IPCEF1: variants seen among roughly 807,000 people sequenced by gnomAD.
IPCEF1 encodes interactor protein for cytohesin exchange factors 1.
A neutral mutation model predicts 50.9 loss-of-function variants in IPCEF1; 31 were observed. The ratio of observed to expected loss-of-function variants is 0.61; its 90% CI spans 0.46 to 0.82. The LOEUF (loss-of-function observed/expected upper bound fraction) is 0.82. Ranked by LOEUF, IPCEF1 falls within the 40% of genes least tolerant of loss-of-function variation. IPCEF1 has a pLI of 0.00. For missense variants in IPCEF1, 458 were observed against 514.0 expected, an observed-to-expected ratio of 0.89 and a Z score of 1.05; for synonymous variants, 181 against 192.0, an observed-to-expected ratio of 0.94 and a Z score of 0.47.
chr6:154,354,415 A>ACCTCCACCACCACCTCCACCAACT (rs1784170541), intron 1 of IPCEF1, among the ~76,000 whole-genome samples: 2 of 46,728 alleles, frequency 4.3e-5, no homozygotes, highest in African/African-American at 1.3e-4. Context: ...CTCCACCACC[A>ACCTCCACCACCACCTCCACCAACT]CCTCCACCAC....
chr6:154,251,627 T>C (rs1241352201), intron 3 of IPCEF1, among the ~76,000 whole-genome samples: 1 of 152,198 alleles, frequency 6.6e-6, no homozygotes, highest in Admixed American at 6.5e-5. Flanking sequence ...AAAATAGGTA[T>C]TTCAAGAATA....
intron 2 of IPCEF1, among the ~76,000 whole-genome samples, chr6:154,287,481 T>C (rs747069169): frequency 3.3e-5 from 5 of 152,232 alleles, no homozygotes; most frequent in African/African-American, 7.2e-5. Context: ...ATGGGTGCTA[T>C]TACTGTCTCC....
intron 9 of IPCEF1, among the ~76,000 whole-genome samples, chr6:154,202,527 A>G (rs535315121): frequency 2.0e-5 from 3 of 152,180 alleles, no homozygotes; most frequent in Non-Finnish European, 4.4e-5. Context: ...TTCAACTTCT[A>G]TGTGATCAAC....
chr6:154,272,387 C>T (rs1418928717), intron 2 of IPCEF1, among the ~76,000 whole-genome samples: 1 of 152,226 alleles, frequency 6.6e-6, no homozygotes, highest in Non-Finnish European at 1.5e-5. Context: ...CCCTAGCCAA[C>T]TAACCAATGA....
chr6:154,189,271 G>A (rs1245475235), intron 10 of IPCEF1, among the ~76,000 whole-genome samples: 3 of 152,150 alleles, frequency 2.0e-5, no homozygotes, highest in Non-Finnish European at 4.4e-5. Flanking sequence ...CTTTGAGAGC[G>A]CTCATCCATG....
At chr6:154,288,851 G>T (rs1410276787) in intron 2 of IPCEF1, among the ~76,000 whole-genome samples, 5 of 152,104 alleles carry the variant, frequency 3.3e-5, no homozygotes, top group Admixed American at 1.3e-4. Context: ...ATCACTTGAG[G>T]CCAGGAGTGA....
intron 11 of IPCEF1, among the ~76,000 whole-genome samples, chr6:154,164,405 A>T (rs1562518378): frequency 6.6e-6 from 1 of 152,232 alleles, no homozygotes; most frequent in Non-Finnish European, 1.5e-5. Context: ...ACAATAATAC[A>T]GAAGAAGGAA....
intron 11 of IPCEF1, among the ~76,000 whole-genome samples, chr6:154,165,450 T>C (rs973225588): frequency 5.3e-5 from 8 of 152,246 alleles, no homozygotes; most frequent in African/African-American, 1.9e-4. Flanking sequence ...TTTGCTTTTG[T>C]TCAGCTTCTT....
chr6:154,268,039 CCA>C (rs1781802538), intron 2 of IPCEF1, among the ~76,000 whole-genome samples: 1 of 152,204 alleles, frequency 6.6e-6, no homozygotes, highest in Admixed American at 6.5e-5. Flanking sequence ...AGCCTGGTCC[CCA>C]GTCTTCAGGC....
At chr6:154,340,156 C>T (rs189041476) in intron 1 of IPCEF1, among the ~76,000 whole-genome samples, 117 of 152,150 alleles carry the variant, frequency 7.7e-4, no homozygotes, top group African/African-American at 2.7e-3. Flanking sequence ...GTTGAGGATG[C>T]GCGCCCGTGA....
At chr6:154,268,539 G>A (rs1047789449) in intron 2 of IPCEF1, among the ~76,000 whole-genome samples, 3 of 152,146 alleles carry the variant, frequency 2.0e-5, no homozygotes, top group Non-Finnish European at 2.9e-5. Context: ...CCTAACTGAT[G>A]TCCCAGTTTC....
intron 1 of IPCEF1, among the ~76,000 whole-genome samples, chr6:154,339,280 A>C (rs1805112386): frequency 6.6e-6 from 1 of 151,872 alleles, no homozygotes; most frequent in Non-Finnish European, 1.5e-5. Flanking sequence ...TAAATGAGAG[A>C]GGAGAAGAGC....
rs774275599 is a variant in IPCEF1, at chr6:154,308,106, G to A, written c.-61-18350C>T. On this transcript the variant is annotated intron_variant, in intron 1 of 11. Coordinates refer to ENST00000367220, the MANE Select transcript of IPCEF1 (RefSeq NM_001130700.2). ...AATAGTGGAAAGAAACTAGAACAGG[G>A]TGAAAGGGGCCAAAAGATATGATTA... Among the ~76,000 whole-genome samples, 6 of 152,154 alleles carry A rather than the reference G, an allele frequency of 3.9e-5. 1 individual carries two copies. The highest frequency in any genetic ancestry group is 2.0e-4 in the Admixed American group (3 of 15,268).
At chr6:154,180,558 G>C (rs1800785353) in intron 10 of IPCEF1, among the ~76,000 whole-genome samples, 1 of 151,812 alleles carries the variant, frequency 6.6e-6, no homozygotes, top group Non-Finnish European at 1.5e-5. Context: ...CCATACCCCA[G>C]TCTATTGTCT....
chr6:154,200,897 T>G (rs1007636626), intron 9 of IPCEF1, among the ~76,000 whole-genome samples: 1 of 152,200 alleles, frequency 6.6e-6, no homozygotes, highest in African/African-American at 2.4e-5. Context: ...TCTGTGTCCC[T>G]ATCCAAATCT....
chr6:154,204,707 C>A (rs78064501), intron 9 of IPCEF1, among the ~76,000 whole-genome samples: 1,797 of 152,266 alleles, frequency 0.012, 30 homozygotes, highest in East Asian at 0.025. Context: ...TGGCTTCCTG[C>A]CTTATCAGTG....
chr6:154,213,495 G>A (rs181807984), intron 8 of IPCEF1, among the ~76,000 whole-genome samples: 21 of 152,236 alleles, frequency 1.4e-4, no homozygotes, highest in African/African-American at 4.3e-4. Flanking sequence ...GGTATTGCAC[G>A]GTACCCCTTT....
rs2128544028 is a variant in IPCEF1, at chr6:154,156,458, A to C, written c.*3370T>G. The C allele has an allele frequency of 6.6e-6, 1 of 152,222 alleles. No homozygotes were observed. The allele number at this position is 152,222 out of a possible 1,614,324, so 9.4% of individuals were successfully genotyped here. On this transcript the variant is annotated 3_prime_UTR_variant, in exon 12 of 12. Transcript: ENST00000367220. ...GCAGAGAGCCGCTGGGAGTCCTGAG[A>C]CTCAAGTTCCTGCTTCATCACTGGG... is the stretch of plus-strand genomic sequence containing the variant.
chr6:154,318,730 A>AAAG (rs1562287086), intron 1 of IPCEF1, among the ~76,000 whole-genome samples: 37 of 150,482 alleles, frequency 2.5e-4, no homozygotes, highest in Non-Finnish European at 3.1e-4. Flanking sequence ...AAAAAAAAAA[A>AAAG]AAGAAGAAGA....
Sources: allele counts gnomAD v4.1 joint callset (sites outside exome capture counted in the v4.1 genomes callset), GRCh38; gene constraint gnomAD v4.1.1; transcripts MANE v1.5; gene names NCBI Gene and HGNC (gene_info 2026-07-23, HGNC 2026-07-21).